The following TAF1B variants were observed in gnomAD, a reference collection of about 807,000 sequenced individuals.
TAF1B encodes the protein TATA-box binding protein associated factor, RNA polymerase I subunit B.
In TAF1B, 61 loss-of-function variants were observed where a neutral mutation model predicts 83.9. That is an observed-to-expected ratio of 0.73 (90% CI 0.59 to 0.90). The LOEUF is 0.90. TAF1B is among the 40% of genes least tolerant of loss of function. The pLI, the probability that TAF1B is intolerant of heterozygous loss-of-function variation, is 0.00. For missense variants in TAF1B, 625 were observed against 677.0 expected (o/e 0.92, Z 0.85); for synonymous variants, 221 against 224.6 (o/e 0.98, Z 0.14).
chr2:9,875,837 T>A (rs1164590275), intron 6 of TAF1B, 28 bp from the exon 7 acceptor site: 1 of 1,547,730 alleles, frequency 6.5e-7, no homozygotes, highest in East Asian at 2.3e-5. Flanking sequence ...TTCACTGGAT[T>A]TTTAAAAATC....
At chr2:9,926,793 A>G (rs1666054816) in intron 14 of TAF1B, among the ~76,000 whole-genome samples, 1 of 136,640 alleles carries the variant, frequency 7.3e-6, no homozygotes, top group Non-Finnish European at 1.6e-5. Flanking sequence ...CAGCGGGGTG[A>G]GACTCTGTCT....
Position 9,910,766 on chromosome 2 carries a change from T to C in TAF1B, c.986T>C (p.Val329Ala). The change falls in exon 10 of 15, where the codon GTA becomes GCA. Residue 329 changes from valine to alanine, a missense_variant. Val to Ala is a moderately conservative substitution (Grantham distance 64). Coordinates refer to ENST00000263663, the MANE Select transcript of TAF1B (RefSeq NM_005680.3). The stretch of plus-strand genomic sequence containing the variant: ...ATGCATAGCTTAACTTGCCACGTGG[T>C]AAAAATGACTGGAATGGGAGAAGTG... ...DEMHSLTCHV[V>A]KMTGMGEVDF... 2 of 1,611,954 alleles carry C rather than the reference T, an allele frequency of 1.2e-6. No homozygotes were observed.
intron 7 of TAF1B, among the ~76,000 whole-genome samples, chr2:9,878,482 C>T (rs1664391756): frequency 6.6e-6 from 1 of 152,130 alleles, no homozygotes; most frequent in African/African-American, 2.4e-5. Context: ...TGTTATTAGC[C>T]TGGCCAAAGT....
At chr2:9,888,696 T>G (rs928734205) in intron 8 of TAF1B, among the ~76,000 whole-genome samples, 3 of 151,872 alleles carry the variant, frequency 2.0e-5, no homozygotes, top group African/African-American at 7.3e-5. Context: ...TTTTTTCCTT[T>G]AGCTGCTTTT....
chr2:9,871,362 G>A (rs553507340), intron 6 of TAF1B, among the ~76,000 whole-genome samples: 10 of 152,262 alleles, frequency 6.6e-5, no homozygotes, highest in East Asian at 3.9e-4. Context: ...GATTGTAGGC[G>A]TAAGCTACTG....
At chr2:9,867,165 T>C (rs1337206327) in intron 5 of TAF1B, among the ~76,000 whole-genome samples, 1 of 151,776 alleles carries the variant, frequency 6.6e-6, no homozygotes, top group East Asian at 1.9e-4. Flanking sequence ...AGAAGAAAAA[T>C]TTGCAATGGA....
chr2:9,893,498 A>C (rs1225992373), intron 8 of TAF1B, among the ~76,000 whole-genome samples: 1 of 152,222 alleles, frequency 6.6e-6, no homozygotes, highest in South Asian at 2.1e-4. Context: ...AGCAACGTGA[A>C]TGAACCTAAG....
At chr2:9,910,322 T>G (rs1302988962) in intron 9 of TAF1B, among the ~76,000 whole-genome samples, 1 of 152,216 alleles carries the variant, frequency 6.6e-6, no homozygotes, top group East Asian at 1.9e-4. Context: ...TATATCTAGT[T>G]AAACAGTTGT....
chr2:9,847,376 C>G (rs1329120253), intron 2 of TAF1B, among the ~76,000 whole-genome samples: 1 of 152,130 alleles, frequency 6.6e-6, no homozygotes, highest in Non-Finnish European at 1.5e-5. Flanking sequence ...TTCACATGGA[C>G]TGTGAGAATA....
intron 8 of TAF1B, among the ~76,000 whole-genome samples, chr2:9,896,404 T>TC (rs1665017960): frequency 6.6e-6 from 1 of 152,124 alleles, no homozygotes; most frequent in African/African-American, 2.4e-5. Flanking sequence ...AGCATTTTCT[T>TC]CCCCCCTTCC....
intron 8 of TAF1B, among the ~76,000 whole-genome samples, chr2:9,886,209 C>CAAAA (rs200539806): frequency 1.4e-5 from 2 of 145,092 alleles, no homozygotes; most frequent in Non-Finnish European, 1.5e-5. Flanking sequence ...CTGTTTGGAT[C>CAAAA]AAAAAAAAAA....
intron 7 of TAF1B, among the ~76,000 whole-genome samples, chr2:9,876,262 T>G (rs562193770): frequency 6.6e-6 from 1 of 152,356 alleles, no homozygotes; most frequent in African/African-American, 2.4e-5. Flanking sequence ...GGAAAATTAA[T>G]TATCTAATAT....
intron 9 of TAF1B, 90 bp from the exon 10 acceptor site, chr2:9,910,646 G>A (rs1665499336): frequency 1.2e-5 from 14 of 1,135,140 alleles, no homozygotes; most frequent in East Asian, 2.5e-5. Context: ...GCATAGTGTC[G>A]TGTTTTAAGA....
chr2:9,846,234 TTAAAG>T, intron 2 of TAF1B: 10 of 408,038 alleles, frequency 2.5e-5, no homozygotes, highest in South Asian at 1.7e-4. Context: ...CACCTGCCTC[TTAAAG>T]TAGAGATTGT....
intron 8 of TAF1B, among the ~76,000 whole-genome samples, chr2:9,889,793 T>G (rs1246394105): frequency 6.6e-6 from 1 of 152,176 alleles, no homozygotes; most frequent in East Asian, 1.9e-4. Context: ...TCCCTTTTTT[T>G]CTGGGACTAT....
intron 8 of TAF1B, among the ~76,000 whole-genome samples, chr2:9,903,974 G>A (rs1039282394): frequency 3.9e-5 from 6 of 152,040 alleles, no homozygotes; most frequent in African/African-American, 1.4e-4. Context: ...GATTTATGGG[G>A]GTTTTCTCCC....
intron 8 of TAF1B, among the ~76,000 whole-genome samples, chr2:9,891,105 T>A (rs1572255860): frequency 6.6e-6 from 1 of 152,246 alleles, no homozygotes; most frequent in Non-Finnish European, 1.5e-5. Flanking sequence ...AATACAGTCA[T>A]GTGCTGTATA....
intron 2 of TAF1B, among the ~76,000 whole-genome samples, chr2:9,847,983 G>A (rs778730000): frequency 1.6e-4 from 25 of 152,046 alleles, no homozygotes; most frequent in Non-Finnish European, 3.4e-4. Context: ...ATTCCATAAT[G>A]GCCATTTGGT....
At chr2:9,859,414 T>C (rs1194343862) in intron 5 of TAF1B, among the ~76,000 whole-genome samples, 3 of 145,480 alleles carry the variant, frequency 2.1e-5, no homozygotes, top group Admixed American at 1.4e-4. Context: ...TGAGATAGAG[T>C]GTTGCTTTGT....
Sources: gnomAD v4.1 joint callset for allele counts (sites outside exome capture counted in the v4.1 genomes callset) on GRCh38, gnomAD v4.1.1 for gene constraint, MANE v1.5 for transcripts, NCBI Gene and HGNC (gene_info 2026-07-23, HGNC 2026-07-21) for gene names.